Variants in LMNA observed in about 807,000 individuals in gnomAD.
LMNA encodes the protein lamin A/C.
Under a neutral mutation model 70.4 loss-of-function variants are expected in LMNA, and 20 were observed. That is an observed-to-expected ratio of 0.28 (90% confidence interval 0.20 to 0.41). The LOEUF (loss-of-function observed/expected upper bound fraction) is 0.41, where lower values mean the gene tolerates loss of function less well. Ranked by LOEUF, LMNA falls within the 10% of genes least tolerant of loss-of-function variation. The pLI, the probability that LMNA is intolerant of heterozygous loss-of-function variation, is 1.00. For synonymous variants in LMNA, 339 were observed against 372.8 expected (o/e 0.91, Z 1.04); for missense variants, 652 against 917.2 (o/e 0.71, Z 3.73).
chr1:156,138,962 G>T lies in LMNA; in HGVS notation c.1969-118G>T. ...TCTGAGCCCCAGACTGGAGGGCAGGGGCAGGGCTGGAGTGTGAGGGATGGG... is the reference window on the plus strand; with the variant it reads ...TCTGAGCCCCAGACTGGAGGGCAGGTGCAGGGCTGGAGTGTGAGGGATGGG... On this transcript the variant is annotated intron_variant, in intron 11 of 11. Transcript: ENST00000368300. The surrounding 1 kb of genome is among the most constrained non-coding windows in gnomAD (Gnocchi z 5.5). 1 of 1,340,600 alleles carries T rather than the reference G, an allele frequency of 7.5e-7. No homozygotes were observed. The highest frequency in any genetic ancestry group is 1.1e-6 in the Non-Finnish European group (1 of 935,578). The allele number at this position is 1,340,600 out of a possible 1,614,324, so 83.0% of individuals were successfully genotyped here.
intron 3 of LMNA, among the ~76,000 whole-genome samples, chr1:156,095,577 G>A (rs929564355): frequency 2.0e-5 from 3 of 150,130 alleles, no homozygotes; most frequent in Admixed American, 1.3e-4. Flanking sequence ...GGCTGGTCTC[G>A]AACTCCTGAC....
At chr1:156,084,750 G>A (rs1648416649) in intron 2 of LMNA, among the ~76,000 whole-genome samples, 1 of 152,188 alleles carries the variant, frequency 6.6e-6, no homozygotes, top group South Asian at 2.1e-4. Context: ...AGGCATTTTT[G>A]TGGGGCCACC....
Position 156,097,443 on chromosome 1 carries a change from G to A in LMNA, c.-207+6861G>A, listed in dbSNP as rs574615642. Among the ~76,000 whole-genome samples the A allele has an allele frequency of 1.1e-4, 16 of 152,360 alleles. No individual in the cohort carries two copies. The South Asian group carries it at 2.5e-3, about 24-fold the overall frequency. On this transcript the variant is annotated intron_variant, in intron 3 of 12. Coordinates refer to the LMNA transcript ENST00000368301. ...AACTGAGCCCCAATAAGGGGCAGGC[G>A]CTTTGCTCCACGCCGTACATGCACA... is the stretch of plus-strand genomic sequence containing the variant.
chr1:156,097,499 G>C (rs952351827), intron 3 of LMNA, among the ~76,000 whole-genome samples: 1 of 152,242 alleles, frequency 6.6e-6, no homozygotes, highest in Non-Finnish European at 1.5e-5. Context: ...GCTCACAACA[G>C]TCCTATGGAA....
rs774543976 is a variant in LMNA at position 156,134,761 on chromosome 1, T to C, written c.640-44T>C. The stretch of plus-strand genomic sequence containing the variant: ...CCCTGGGTCTTGGCCTCCCAGGAAC[T>C]AATTCTGATTTTGGTTTCTGTGTCC... On this transcript the variant is annotated intron_variant, in intron 3 of 11. Coordinates refer to ENST00000368300, the MANE Select transcript of LMNA (RefSeq NM_170707.4). The surrounding 1 kb of genome is among the most constrained non-coding windows in gnomAD (Gnocchi z 5.3). 2.5e-6 allele frequency: 4 copies of C among 1,613,594 alleles called. No homozygotes were observed. The African/African-American group carries it at 5.3e-5, about 22-fold the overall frequency.
chr1:156,138,955 G>T lies in LMNA; in HGVS notation c.1969-125G>T. 1 of 1,300,668 alleles carries T rather than the reference G, an allele frequency of 7.7e-7. No homozygotes were observed. The allele number at this position is 1,300,668 out of a possible 1,614,324, so 80.6% of individuals were successfully genotyped here. On this transcript the variant is annotated intron_variant, in intron 11 of 11. Transcript: ENST00000368300. This position sits in a 1 kb window ranked among gnomAD's most constrained non-coding sequence, Gnocchi z 5.5. ...CCTCTTGTCTGAGCCCCAGACTGGAGGGCAGGGGCAGGGCTGGAGTGTGAG... is the reference window on the plus strand; with the variant it reads ...CCTCTTGTCTGAGCCCCAGACTGGATGGCAGGGGCAGGGCTGGAGTGTGAG...
intron 1 of LMNA, among the ~76,000 whole-genome samples, chr1:156,125,030 ACCCGT>A (rs1650458116): frequency 6.6e-6 from 1 of 152,112 alleles, no homozygotes; most frequent in South Asian, 2.1e-4. Context: ...GCCTGAGCCT[ACCCGT>A]CTCCAGGCTT....
At chr1:156,112,670 C>A (rs988546805), upstream of LMNA, among the ~76,000 whole-genome samples, 1 of 152,138 alleles carries the variant, frequency 6.6e-6, no homozygotes, top group African/African-American at 2.4e-5. Context: ...CCCCCTCATC[C>A]GGGTGCATCC....
chr1:156,139,100 C>T lies in LMNA; in HGVS notation c.1989C>T (p.Ile663=). The change falls in exon 12 of 12, where the codon ATC becomes ATT. Residue 663 remains isoleucine, a synonymous_variant. Coordinates refer to ENST00000368300, the MANE Select transcript of LMNA (RefSeq NM_170707.4). The part of the protein sequence containing the change: ...PRTQSPQNCS[I]M ...CTTAGAGCCCCCAGAACTGCAGCAT[C>T]ATGTAATCTGGGACCTGCCAGGCAG... 2 of 1,613,924 alleles carry T rather than the reference C, an allele frequency of 1.2e-6. No individual in the cohort carries two copies. Among genetic ancestry groups the T allele is most frequent in the Non-Finnish European group, 1.7e-6 (2 of 1,179,970 alleles).
intron 3 of LMNA, among the ~76,000 whole-genome samples, chr1:156,104,433 C>CT (rs1185621540): frequency 1.3e-5 from 2 of 152,138 alleles, no homozygotes; most frequent in African/African-American, 4.8e-5. Context: ...TATGAGTCTC[C>CT]CCTCTGTTCA....
At position 156,097,119 on chromosome 1, in the gene LMNA, A is replaced by C. The variant is rs1040253161; in HGVS notation, c.-207+6537A>C. Among the ~76,000 whole-genome samples, 7 of 152,336 alleles carry C rather than the reference A, an allele frequency of 4.6e-5. 1 individual carries two copies. On this transcript the variant is annotated intron_variant, in intron 3 of 12. Coordinates refer to the LMNA transcript ENST00000368301. The stretch of plus-strand genomic sequence containing the variant: ...CGGTGAAGTCAGTCAGTGAGTCAAA[A>C]GCTGAGATCTAGGAACCAGACACAA...
At chr1:156,104,669 T>TC (rs1649259513) in intron 3 of LMNA, among the ~76,000 whole-genome samples, 1 of 152,026 alleles carries the variant, frequency 6.6e-6, no homozygotes, top group Admixed American at 6.5e-5. Context: ...CCTCTGCTTC[T>TC]CCCCCGCTAC....
chr1:156,106,113 A>C (rs1284696054), intron 3 of LMNA, among the ~76,000 whole-genome samples: 2 of 151,172 alleles, frequency 1.3e-5, no homozygotes, highest in East Asian at 2.0e-4. Flanking sequence ...CCAGCCTGGG[A>C]GACACAGCGA....
intron 2 of LMNA, among the ~76,000 whole-genome samples, chr1:156,085,459 C>T (rs138754691): frequency 6.6e-6 from 1 of 152,338 alleles, no homozygotes; most frequent in African/African-American, 2.4e-5. Flanking sequence ...ACTCCCCACT[C>T]TCTGCCTTAT....
chr1:156,090,058 AG>A (rs999366673), intron 2 of LMNA, among the ~76,000 whole-genome samples: 1 of 151,772 alleles, frequency 6.6e-6, no homozygotes, highest in African/African-American at 2.4e-5. Flanking sequence ...TGGGGCAGGG[AG>A]GGGGAGGCAG....
At chr1:156,088,764 C>T (rs1420260061) in intron 2 of LMNA, among the ~76,000 whole-genome samples, 4 of 152,240 alleles carry the variant, frequency 2.6e-5, no homozygotes, top group Non-Finnish European at 5.9e-5. Flanking sequence ...ATTCTCCTGC[C>T]TCAGCCTCCC....
chr1:156,126,885 G>T, intron 1 of LMNA: 1 of 1,610,698 alleles, frequency 6.2e-7, no homozygotes, highest in Non-Finnish European at 8.5e-7. Context: ...CCGGCCTGGG[G>T]CAGGACACGG....
intron 3 of LMNA, among the ~76,000 whole-genome samples, chr1:156,093,298 A>AGTTTTTTTTTTTTTTTT (rs1399858052): frequency 7.3e-6 from 1 of 137,224 alleles, no homozygotes; most frequent in Non-Finnish European, 1.5e-5. Context: ...TTTATATGTC[A>AGTTTTTTTTTTTTTTTT]ATTTTTTTTT....
upstream of LMNA, among the ~76,000 whole-genome samples, chr1:156,114,069 C>G (rs577052857): frequency 7.4e-6 from 1 of 134,330 alleles, no homozygotes; most frequent in Non-Finnish European, 1.5e-5. Context: ...AAAAAAGGGA[C>G]CCCCCAAACT....
Sources: gnomAD v4.1 joint callset for allele counts (sites outside exome capture counted in the v4.1 genomes callset) on GRCh38, gnomAD v4.1.1 for gene constraint, Gnocchi (gnomAD v3.1) non-coding constraint, MANE v1.5 for transcripts, NCBI Gene and HGNC (gene_info 2026-07-23, HGNC 2026-07-21) for gene names.